Variants in ZBTB20 observed in about 807,000 individuals in gnomAD.
ZBTB20 encodes zinc finger and BTB domain containing 20, also known as zinc finger and BTB domain-containing protein 20.
In ZBTB20, 9 loss-of-function variants were observed where a neutral mutation model predicts 56.9. The observed-to-expected ratio is 0.16, with a 90% CI of 0.10 to 0.28. The LOEUF is 0.28. Ranked by LOEUF, ZBTB20 falls within the 10% of genes least tolerant of loss-of-function variation. The pLI is 1.00. For missense variants in ZBTB20, 655 were observed against 1,003.0 expected (o/e 0.65, Z 4.69); for synonymous variants, 417 against 420.7 (o/e 0.99, Z 0.11).
chr3:114,434,364 G>A (rs1408586446), intron 7 of ZBTB20, among the ~76,000 whole-genome samples: 1 of 152,102 alleles, frequency 6.6e-6, no homozygotes, highest in African/African-American at 2.4e-5. Flanking sequence ...TGGAGTTCGG[G>A]AGAGGCAGGT....
At chr3:114,908,753 G>A (rs1289750187) in intron 3 of ZBTB20, among the ~76,000 whole-genome samples, 1 of 151,834 alleles carries the variant, frequency 6.6e-6, no homozygotes, top group Non-Finnish European at 1.5e-5. Flanking sequence ...GAAAAAGGCA[G>A]ATTTGATAAA....
At chr3:114,492,492 A>G (rs925247847) in intron 7 of ZBTB20, among the ~76,000 whole-genome samples, 6 of 152,268 alleles carry the variant, frequency 3.9e-5, no homozygotes, top group Admixed American at 2.0e-4. Flanking sequence ...TTTATTTCAC[A>G]TAACCAACCA....
At chr3:114,688,503 C>T (rs1578350787) in intron 6 of ZBTB20, 1 of 152,078 alleles carries the variant, frequency 6.6e-6, no homozygotes, top group East Asian at 1.9e-4. Context: ...AAACACACTT[C>T]TAGAGTGCAG....
At chr3:114,533,505 T>C (rs180840871) in intron 6 of ZBTB20, among the ~76,000 whole-genome samples, 4 of 152,298 alleles carry the variant, frequency 2.6e-5, no homozygotes, top group African/African-American at 9.6e-5. Context: ...AGACCAAACC[T>C]ACGTTTCATT....
At chr3:114,929,087 T>C (rs2076261590) in intron 3 of ZBTB20, among the ~76,000 whole-genome samples, 1 of 152,186 alleles carries the variant, frequency 6.6e-6, no homozygotes, top group Non-Finnish European at 1.5e-5. Flanking sequence ...ATATAATGCA[T>C]TGCAGGAAGA....
At chr3:114,466,831 A>T (rs532132671) in intron 7 of ZBTB20, among the ~76,000 whole-genome samples, 1 of 152,352 alleles carries the variant, frequency 6.6e-6, no homozygotes, top group South Asian at 2.1e-4. Flanking sequence ...TATTTAGAAC[A>T]TGGGAGAAAA....
chr3:114,954,090 CT>C (rs1418336783), intron 3 of ZBTB20, among the ~76,000 whole-genome samples: 1 of 152,086 alleles, frequency 6.6e-6, no homozygotes, highest in South Asian at 2.1e-4. Context: ...GCTGATCTCA[CT>C]GTGAAAGTGC....
chr3:114,850,773 C>G (rs1401028853), intron 4 of ZBTB20, among the ~76,000 whole-genome samples: 2 of 152,114 alleles, frequency 1.3e-5, no homozygotes, highest in East Asian at 1.9e-4. Flanking sequence ...AATGTTAGAG[C>G]TGAAGTAATT....
intron 4 of ZBTB20, among the ~76,000 whole-genome samples, chr3:114,847,503 A>G (rs984086087): frequency 6.6e-6 from 1 of 152,178 alleles, no homozygotes; most frequent in African/African-American, 2.4e-5. Context: ...TAATTATTTC[A>G]TCTGTGAAAC....
At chr3:114,560,721 T>C (rs1420661556) in intron 6 of ZBTB20, among the ~76,000 whole-genome samples, 1 of 152,012 alleles carries the variant, frequency 6.6e-6, no homozygotes, top group Non-Finnish European at 1.5e-5. Context: ...TGGTGGAGGG[T>C]CTTGCTTTGA....
chr3:114,737,991 T>C (rs1232070869), intron 5 of ZBTB20, among the ~76,000 whole-genome samples: 1 of 152,170 alleles, frequency 6.6e-6, no homozygotes, highest in Non-Finnish European at 1.5e-5. Context: ...TTAAGTGTTC[T>C]TGCTTTTTTT....
At chr3:115,142,217 T>G (rs1375485163) in intron 1 of ZBTB20, among the ~76,000 whole-genome samples, 1 of 152,228 alleles carries the variant, frequency 6.6e-6, no homozygotes, top group Non-Finnish European at 1.5e-5. Flanking sequence ...TATCCAGTAT[T>G]GATATGTCTT....
In ZBTB20 at chr3:114,640,318, T is replaced by G. The variant is rs188887634; in HGVS notation, c.-295+53210A>C. On this transcript the variant is annotated intron_variant, in intron 6 of 11. Coordinates refer to ENST00000675478, the MANE Select transcript of ZBTB20 (RefSeq NM_001348800.3). ...GAATGATTCTCAGCAGGTGGCACTCTTCCTTCTAATTAGGTCTTGAATGAA... is the reference window on the plus strand; with the variant it reads ...GAATGATTCTCAGCAGGTGGCACTCGTCCTTCTAATTAGGTCTTGAATGAA... Among the ~76,000 whole-genome samples, 84 of 152,238 alleles carry G rather than the reference T, an allele frequency of 5.5e-4. No homozygotes were observed. The East Asian group carries it at 0.013, about 24-fold the overall frequency.
intron 3 of ZBTB20, among the ~76,000 whole-genome samples, chr3:114,920,582 T>A (rs2075918323): frequency 1.3e-5 from 2 of 151,984 alleles, no homozygotes. Flanking sequence ...ATCTTGCATA[T>A]CTTTAAACAA....
rs77854020 is a variant in ZBTB20 at position 115,033,848 on chromosome 3, T to C, written c.-507+37371A>G. Among the ~76,000 whole-genome samples the C allele has an allele frequency of 4.3e-3, 651 of 151,668 alleles. 6 individuals are homozygous for C. The highest frequency in any genetic ancestry group is 0.015 in the African/African-American group (610 of 41,446). On this transcript the variant is annotated intron_variant, in intron 2 of 11. Transcript: ENST00000675478. ...TATGAGCATTGACAAGGATTGAAAA[T>C]CCTTAACAAATTATAGCAAACCAAA... is the stretch of plus-strand genomic sequence containing the variant.
intron 2 of ZBTB20, among the ~76,000 whole-genome samples, chr3:115,028,527 G>T (rs1269539893): frequency 1.3e-5 from 2 of 150,314 alleles, no homozygotes; most frequent in Non-Finnish European, 3.0e-5. Context: ...GTAGTCACAA[G>T]AAAATTTTAA....
chr3:115,132,380 ACTAC>A (rs1292616320), intron 1 of ZBTB20, among the ~76,000 whole-genome samples: 3 of 152,090 alleles, frequency 2.0e-5, no homozygotes, highest in Non-Finnish European at 4.4e-5. Context: ...CTTTTATCCA[ACTAC>A]CTTATCAATT....
chr3:114,846,121 G>A (rs2074689852), intron 4 of ZBTB20, among the ~76,000 whole-genome samples: 1 of 152,032 alleles, frequency 6.6e-6, no homozygotes, highest in South Asian at 2.1e-4. Context: ...AGTATAATAG[G>A]GTTGTATACA....
At chr3:115,088,695 A>G (rs2083079760) in intron 1 of ZBTB20, among the ~76,000 whole-genome samples, 1 of 151,894 alleles carries the variant, frequency 6.6e-6, no homozygotes, top group Non-Finnish European at 1.5e-5. Context: ...GTCATTTTAT[A>G]CTATGAGGCA....
Sources: gnomAD v4.1 joint callset for allele counts (sites outside exome capture counted in the v4.1 genomes callset) on GRCh38, gnomAD v4.1.1 for gene constraint, MANE v1.5 for transcripts, NCBI Gene and HGNC (gene_info 2026-07-23, HGNC 2026-07-21) for gene names.